The following NRXN1 variants were observed in gnomAD, a reference collection of about 807,000 sequenced individuals.
NRXN1 encodes the protein neurexin-1.
Under a neutral mutation model 150.9 loss-of-function variants are expected in NRXN1, and 39 were observed. The observed-to-expected ratio is 0.26, with a 90% confidence interval of 0.20 to 0.34. NRXN1 has a LOEUF of 0.34. NRXN1 is among the 10% of genes least tolerant of loss of function. NRXN1 has a pLI of 1.00. For missense variants in NRXN1, 1,815 were observed against 1,949.9 expected (o/e 0.93, Z 1.30); for synonymous variants, 924 against 757.0 (o/e 1.22, Z -3.62).
At chr2:49,998,494 T>C (rs563026538) in intron 21 of NRXN1, among the ~76,000 whole-genome samples, 5 of 152,110 alleles carry the variant, frequency 3.3e-5, no homozygotes, top group South Asian at 4.1e-4. Context: ...TTTCAAAACT[T>C]TTTTTGGAAA....
Position 50,370,991 on chromosome 2 carries a change from A to AT in NRXN1, c.3364+94450dup, listed in dbSNP as rs367984774. On this transcript the variant is annotated intron_variant, in intron 17 of 22. Transcript: ENST00000401669. ...AGATACTAAGGAACTGCCGGTACCT[A>AT]TTTTTCCTCCTCAAATTCAATCAAA... 6.5e-4 allele frequency among the ~76,000 whole-genome samples: 99 copies of AT among 152,016 alleles called. 2 individuals are homozygous for AT. The highest frequency in any genetic ancestry group is 2.1e-3 in the African/African-American group (87 of 41,502).
In NRXN1 at chr2:50,506,449, T is replaced by C. The variant is rs369865054; in HGVS notation, c.2497+46A>G. The C allele has an allele frequency of 5.4e-5, 84 of 1,556,048 alleles. 3 individuals carry two copies. The South Asian group carries it at 8.1e-4, about 15-fold the overall frequency. ...CAAAACCACCTGCAAGAAATGAGAG[T>C]CAAAAGCGTTAGCATAGGAAAAGAC... is the stretch of plus-strand genomic sequence containing the variant. On this transcript the variant is annotated intron_variant, in intron 13 of 22. Coordinates refer to ENST00000401669, the MANE Select transcript of NRXN1 (RefSeq NM_001330078.2).
intron 2 of NRXN1, among the ~76,000 whole-genome samples, chr2:50,956,538 C>T (rs536401512): frequency 6.6e-6 from 1 of 151,898 alleles, no homozygotes; most frequent in African/African-American, 2.4e-5. Flanking sequence ...GCTTGAGCCC[C>T]AGAGTTCAAA....
At chr2:50,433,115 A>G (rs940667500) in intron 17 of NRXN1, among the ~76,000 whole-genome samples, 7 of 152,238 alleles carry the variant, frequency 4.6e-5, no homozygotes, top group Admixed American at 2.6e-4. Context: ...AGTGAGGAAA[A>G]GCATAGTTAT....
At chr2:50,174,708 ATGT>A (rs1559030196) in intron 18 of NRXN1, 1 of 152,164 alleles carries the variant, frequency 6.6e-6, no homozygotes, top group Non-Finnish European at 1.5e-5. Context: ...ATACCTTATA[ATGT>A]TGTTGGAAGG....
At chr2:50,922,799 G>T in intron 3 of NRXN1, 112 bp from the exon 4 acceptor site, 1 of 1,059,190 alleles carries the variant, frequency 9.4e-7, no homozygotes, top group Non-Finnish European at 1.4e-6. Flanking sequence ...TATGAGACAT[G>T]TCTGTATCAC....
chr2:50,211,841 G>T, intron 18 of NRXN1, among the ~76,000 whole-genome samples: 1 of 127,798 alleles, frequency 7.8e-6, no homozygotes, highest in East Asian at 2.1e-4. Context: ...TCATCAAGAA[G>T]AAGACAGGGT....
intron 21 of NRXN1, among the ~76,000 whole-genome samples, chr2:49,976,632 T>C (rs915141636): frequency 6.6e-6 from 1 of 151,836 alleles, no homozygotes; most frequent in East Asian, 1.9e-4. Context: ...GTAAAGAAAA[T>C]AGTGTAGGTG....
chr2:50,516,254 G>A (rs1351969289), intron 12 of NRXN1, among the ~76,000 whole-genome samples: 2 of 152,150 alleles, frequency 1.3e-5, no homozygotes, highest in African/African-American at 4.8e-5. Flanking sequence ...TCAAAATTAA[G>A]AATTTCAAGA....
At chr2:50,612,120 T>C (rs528942825) in intron 8 of NRXN1, among the ~76,000 whole-genome samples, 1 of 152,276 alleles carries the variant, frequency 6.6e-6, no homozygotes, top group African/African-American at 2.4e-5. Context: ...TCTCAGATTA[T>C]TTGGGTGGGA....
chr2:50,467,491 A>T (rs1325676243), intron 16 of NRXN1, among the ~76,000 whole-genome samples: 4 of 151,614 alleles, frequency 2.6e-5, no homozygotes, highest in Non-Finnish European at 5.9e-5. Context: ...TATATTTTGT[A>T]TAAATAGATG....
chr2:50,855,947 C>T (rs916858270), intron 5 of NRXN1, among the ~76,000 whole-genome samples: 17 of 151,626 alleles, frequency 1.1e-4, no homozygotes, highest in African/African-American at 4.1e-4. Flanking sequence ...ATCTATACCG[C>T]CTTCCCTTAA....
chr2:50,465,047 G>C (rs1365237904), intron 17 of NRXN1, among the ~76,000 whole-genome samples: 1 of 151,534 alleles, frequency 6.6e-6, no homozygotes, highest in Non-Finnish European at 1.5e-5. Flanking sequence ...AGAAAAATGA[G>C]ACCTGTAACC....
At chr2:50,856,428 A>G (rs1386641402) in intron 5 of NRXN1, among the ~76,000 whole-genome samples, 5 of 152,018 alleles carry the variant, frequency 3.3e-5, no homozygotes, top group Admixed American at 6.6e-5. Context: ...AACTTCAGAA[A>G]ACAGATTTCC....
At chr2:50,022,221 A>G (rs975510562) in intron 21 of NRXN1, among the ~76,000 whole-genome samples, 5 of 152,168 alleles carry the variant, frequency 3.3e-5, no homozygotes, top group South Asian at 2.1e-4. Context: ...TGACCTCATG[A>G]TCTGCCCGCC....
chr2:50,654,067 A>G, intron 5 of NRXN1, among the ~76,000 whole-genome samples: 1 of 147,412 alleles, frequency 6.8e-6, no homozygotes, highest in Admixed American at 6.9e-5. Context: ...TTTAGGGTAC[A>G]TGTGTACAAC....
At chr2:50,852,485 G>A (rs989552969) in intron 5 of NRXN1, among the ~76,000 whole-genome samples, 39 of 152,010 alleles carry the variant, frequency 2.6e-4, no homozygotes, top group African/African-American at 8.2e-4. Flanking sequence ...CCCAATGGAG[G>A]GTCATATTTC....
chr2:49,924,193 G>C (rs1437645996), intron 22 of NRXN1, among the ~76,000 whole-genome samples: 1 of 152,112 alleles, frequency 6.6e-6, no homozygotes, highest in African/African-American at 2.4e-5. Flanking sequence ...AGCTAAAAAG[G>C]GAATTTTGTT....
intron 17 of NRXN1, among the ~76,000 whole-genome samples, chr2:50,371,277 T>G (rs2080005519): frequency 6.6e-6 from 1 of 151,988 alleles, no homozygotes. Flanking sequence ...AGGTGGAAAT[T>G]GAGACTTAAG....
Sources: allele counts gnomAD v4.1 joint callset (sites outside exome capture counted in the v4.1 genomes callset), GRCh38; gene constraint gnomAD v4.1.1; transcripts MANE v1.5; gene names NCBI Gene and HGNC (gene_info 2026-07-23, HGNC 2026-07-21).